Variants in ENOX1 observed in about 807,000 individuals in gnomAD.
ENOX1 encodes the protein ecto-NOX disulfide-thiol exchanger 1.
A neutral mutation model predicts 82.5 loss-of-function variants in ENOX1; 42 were observed. That is an observed-to-expected ratio of 0.51 (90% CI 0.40 to 0.66). The LOEUF (loss-of-function observed/expected upper bound fraction) is 0.66. Ranked by LOEUF, ENOX1 falls within the 30% of genes least tolerant of loss-of-function variation. The probability of loss-of-function intolerance (pLI) is 0.00; values close to 1 mark genes in which losing one functional copy is unlikely to be tolerated. For missense variants in ENOX1, 608 were observed against 811.6 expected (o/e 0.75, Z 3.05); for synonymous variants, 271 against 282.2 (o/e 0.96, Z 0.40).
chr13:43,756,075 GAA>G (rs1950624970), intron 1 of ENOX1, among the ~76,000 whole-genome samples: 1 of 152,206 alleles, frequency 6.6e-6, no homozygotes. Flanking sequence ...TGACATAGTG[GAA>G]AAGAGTTGAG....
intron 1 of ENOX1, among the ~76,000 whole-genome samples, chr13:43,768,256 T>A (rs971399514): frequency 2.6e-5 from 4 of 152,172 alleles, no homozygotes; most frequent in Non-Finnish European, 4.4e-5. Context: ...AGTTCAGACA[T>A]CTCCAAATCT....
rs192534673 is a variant in ENOX1 at position 43,583,514 on chromosome 13, C to T, written c.-219+83965G>A. Among the ~76,000 whole-genome samples, 10 of 152,262 alleles carry T rather than the reference C, an allele frequency of 6.6e-5. No homozygotes were observed. In the East Asian group the frequency reaches 1.7e-3, roughly 26 times the overall value. On this transcript the variant is annotated intron_variant, in intron 2 of 16. Coordinates refer to ENST00000690772, the MANE Select transcript of ENOX1 (RefSeq NM_001347969.2). The stretch of plus-strand genomic sequence containing the variant: ...TCTTGTACTTATGCTATTTCCTATC[C>T]CTTAACCTCCGCTAATTTTGTATCT...
intron 1 of ENOX1, among the ~76,000 whole-genome samples, chr13:43,714,318 A>T (rs2087953559): frequency 6.6e-6 from 1 of 152,010 alleles, no homozygotes; most frequent in Admixed American, 6.6e-5. Context: ...TTTGCTGAGG[A>T]GTGCTTTACT....
At chr13:43,254,501 T>A (rs940904028) in intron 14 of ENOX1, among the ~76,000 whole-genome samples, 2 of 152,222 alleles carry the variant, frequency 1.3e-5, no homozygotes, top group Non-Finnish European at 2.9e-5. Context: ...CTTCCTCTGT[T>A]CCTAAATTCC....
intron 2 of ENOX1, among the ~76,000 whole-genome samples, chr13:43,622,640 G>A (rs1042820318): frequency 3.9e-5 from 6 of 152,186 alleles, no homozygotes; most frequent in Non-Finnish European, 7.3e-5. Flanking sequence ...GCCTGTTCTG[G>A]TGGAGGTGGC....
chr13:43,238,295 A>G (rs1279665604), intron 14 of ENOX1, among the ~76,000 whole-genome samples: 2 of 152,258 alleles, frequency 1.3e-5, no homozygotes, highest in Admixed American at 1.3e-4. Flanking sequence ...GAAGAATTTT[A>G]AAATAGAACA....
chr13:43,534,696 A>T (rs2078375868), intron 2 of ENOX1, among the ~76,000 whole-genome samples: 1 of 152,168 alleles, frequency 6.6e-6, no homozygotes, highest in Admixed American at 6.6e-5. Context: ...AGTATTTGTC[A>T]ACTGGCAACA....
At chr13:43,229,782 G>A (rs777904705) in intron 15 of ENOX1, among the ~76,000 whole-genome samples, 3 of 152,176 alleles carry the variant, frequency 2.0e-5, no homozygotes, top group Non-Finnish European at 4.4e-5. Context: ...TGAGCAGTGA[G>A]GCTGGGGAAG....
At chr13:43,539,522 C>T (rs2078618492) in intron 2 of ENOX1, among the ~76,000 whole-genome samples, 1 of 152,074 alleles carries the variant, frequency 6.6e-6, no homozygotes. Context: ...TGTCTTGTAG[C>T]TTAAATAAAT....
intron 11 of ENOX1, among the ~76,000 whole-genome samples, chr13:43,306,353 C>A (rs981372786): frequency 6.6e-6 from 1 of 152,104 alleles, no homozygotes; most frequent in African/African-American, 2.4e-5. Flanking sequence ...TCTTTTAATT[C>A]GATTTTAGTT....
chr13:43,741,917 T>C (rs1470615465), intron 1 of ENOX1, among the ~76,000 whole-genome samples: 1 of 152,212 alleles, frequency 6.6e-6, no homozygotes, highest in Non-Finnish European at 1.5e-5. Context: ...TTTTTGCATA[T>C]GGTATAAGAG....
chr13:43,412,904 G>C lies in ENOX1; in HGVS notation c.11C>G (p.Ala4Gly), dbSNP rs1166663436. The C allele has an allele frequency of 6.2e-7, 1 of 1,614,038 alleles. No individual in the cohort carries two copies. The highest frequency in any genetic ancestry group is 2.2e-5 in the East Asian group (1 of 44,876). ...CTGGGTGATGTTCTCAACTCCACCTGCATCTACCATTGAATTATGAGTGTC... is the reference window on the plus strand; with the variant it reads ...CTGGGTGATGTTCTCAACTCCACCTCCATCTACCATTGAATTATGAGTGTC... MVD[A>G]GGVENITQLP... Residue 4 changes from alanine (A) to glycine (G), a missense_variant, in exon 4 of 17, where the codon GCA becomes GGA. Coordinates refer to ENST00000690772, the MANE Select transcript of ENOX1 (RefSeq NM_001347969.2).
chr13:43,370,018 T>G (rs1160129254), intron 5 of ENOX1, among the ~76,000 whole-genome samples: 1 of 152,260 alleles, frequency 6.6e-6, no homozygotes, highest in African/African-American at 2.4e-5. Flanking sequence ...CACCCCTTGG[T>G]GTGCACCAGG....
chr13:43,618,099 G>A (rs1162587916), intron 2 of ENOX1, among the ~76,000 whole-genome samples: 1 of 152,044 alleles, frequency 6.6e-6, no homozygotes, highest in Non-Finnish European at 1.5e-5. Flanking sequence ...TTATTGTTGA[G>A]TTCGTTGTAG....
intron 14 of ENOX1, among the ~76,000 whole-genome samples, chr13:43,245,736 C>T (rs1406870874): frequency 6.6e-6 from 1 of 152,104 alleles, no homozygotes; most frequent in Non-Finnish European, 1.5e-5. Context: ...CCTCAGAGGC[C>T]CAATAGTTTT....
chr13:43,716,008 T>A (rs1382897664), intron 1 of ENOX1, among the ~76,000 whole-genome samples: 1 of 152,250 alleles, frequency 6.6e-6, no homozygotes, highest in Non-Finnish European at 1.5e-5. Flanking sequence ...TTGAATTTCC[T>A]CCTGTAGCTC....
rs142779160 is a variant in ENOX1 at position 43,377,647 on chromosome 13, T to C, written c.209-16195A>G. Among the ~76,000 whole-genome samples the C allele has an allele frequency of 9.2e-5, 14 of 152,330 alleles. No homozygotes were observed. The East Asian group carries it at 1.3e-3, about 15-fold the overall frequency. ...GAGTAATTATTTTAACCAAGTATTA[T>C]AGGCGCCAGGCAAGGTGCTAGGCAT... On this transcript the variant is annotated intron_variant, in intron 5 of 16. Transcript: ENST00000690772.
intron 1 of ENOX1, among the ~76,000 whole-genome samples, chr13:43,696,494 T>C (rs551678875): frequency 2.0e-5 from 3 of 152,262 alleles, no homozygotes; most frequent in Admixed American, 1.3e-4. Flanking sequence ...TCAAAAGATA[T>C]TTTACACATA....
intron 1 of ENOX1, 53 bp from the exon 2 acceptor site, chr13:43,667,597 G>C (rs1306289505): frequency 1.7e-6 from 1 of 584,910 alleles, no homozygotes; most frequent in Non-Finnish European, 2.2e-6. Context: ...CAATTTCAGA[G>C]AGCTGACTGA....
Sources: gnomAD v4.1 joint callset for allele counts (sites outside exome capture counted in the v4.1 genomes callset) on GRCh38, gnomAD v4.1.1 for gene constraint, MANE v1.5 for transcripts, NCBI Gene and HGNC (gene_info 2026-07-23, HGNC 2026-07-21) for gene names.